ATP6V0C: variants seen among roughly 807,000 people sequenced by gnomAD.
The protein encoded by ATP6V0C is V-type proton ATPase 16 kDa proteolipid subunit c.
In ATP6V0C, 2 loss-of-function variants were observed where a neutral mutation model predicts 10.6. That is an observed-to-expected ratio of 0.19 (90% CI 0.08 to 0.59). ATP6V0C has a LOEUF of 0.59. Ranked by LOEUF, ATP6V0C falls within the 20% of genes least tolerant of loss-of-function variation. The pLI is 0.90. For missense variants in ATP6V0C, 89 were observed against 225.9 expected, an observed-to-expected ratio of 0.39 and a Z score of 3.88; for synonymous variants, 128 against 101.3, an observed-to-expected ratio of 1.26 and a Z score of -1.59.
chr16:2,515,859 C>T (rs1263421227), intron 1 of ATP6V0C, among the ~76,000 whole-genome samples: 1 of 152,158 alleles, frequency 6.6e-6, no homozygotes, highest in African/African-American at 2.4e-5. Flanking sequence ...GCTGCTTGCC[C>T]TTGAAGCCCT....
At chr16:2,514,954 C>T (rs1350791531) in intron 1 of ATP6V0C, among the ~76,000 whole-genome samples, 3 of 152,246 alleles carry the variant, frequency 2.0e-5, no homozygotes, top group Admixed American at 1.3e-4. Flanking sequence ...GAGAGGGTGG[C>T]ATGGGTGTCC....
In ATP6V0C at chr16:2,520,027, T is replaced by C. The variant is rs1287058094; in HGVS notation, c.*282T>C. The C allele has an allele frequency of 1.5e-6, 1 of 671,672 alleles. No homozygotes were observed. 41.6% of individuals were successfully genotyped at this position (671,672 alleles called of 1,614,324 possible). A position where few individuals can be genotyped will look rare whatever the true frequency, so the allele number is the denominator to read the frequency against. On this transcript the variant is annotated 3_prime_UTR_variant, in exon 3 of 3. Transcript: ENST00000330398. ...ATTTAGAATTGTCATTTCTCTTTAC[T>C]GGATGTTTATTTATAAAGATCTGGC...
In ATP6V0C at chr16:2,513,985, T is replaced by C; in HGVS notation, c.-119T>C. On this transcript the variant is annotated 5_prime_UTR_variant, in exon 1 of 3. Coordinates refer to ENST00000330398, the MANE Select transcript of ATP6V0C (RefSeq NM_001694.4). ...GTGCTGGTATTTAGAGCGCAGCGGCTGACGGGCCGGATCGCCTTCGCCGCC... is the reference window on the plus strand; with the variant it reads ...GTGCTGGTATTTAGAGCGCAGCGGCCGACGGGCCGGATCGCCTTCGCCGCC... 3 of 878,386 alleles carry C rather than the reference T, an allele frequency of 3.4e-6. No homozygotes were observed. Among genetic ancestry groups the C allele is most frequent in the East Asian group, 6.1e-5 (2 of 32,682 alleles). The allele number at this position is 878,386 out of a possible 1,614,324, so 54.4% of individuals were successfully genotyped here.
Position 2,519,098 on chromosome 16 carries a change from T to TC in ATP6V0C, c.80-115dup. 2.5e-6 allele frequency: 3 copies of TC among 1,207,414 alleles called. 1 individual carries two copies. The South Asian group carries it at 5.0e-5, about 20-fold the overall frequency. The allele number at this position is 1,207,414 out of a possible 1,614,324, so 74.8% of individuals were successfully genotyped here. On this transcript the variant is annotated intron_variant, in intron 1 of 2. Transcript: ENST00000330398. ...CCCTGGGCTGGATGCCTTCTTCGGC[T>TC]CCCCCTCTGCATGTGATAACTTGGG... is the stretch of plus-strand genomic sequence containing the variant.
rs1352350255 is a variant in ATP6V0C, at chr16:2,514,032, C to T, written c.-72C>T. The T allele has an allele frequency of 5.7e-6, 8 of 1,414,914 alleles. No homozygotes were observed. Among genetic ancestry groups the T allele is most frequent in the Admixed American group, 2.1e-5 (1 of 47,228 alleles). The allele number at this position is 1,414,914 out of a possible 1,614,324, so 87.6% of individuals were successfully genotyped here. On this transcript the variant is annotated 5_prime_UTR_variant, in exon 1 of 3. Coordinates refer to ENST00000330398, the MANE Select transcript of ATP6V0C (RefSeq NM_001694.4). ...CGCCGCCCGCCCGCAAACCTTCGTG[C>T]CCGGCCCGTCCTCGCCCCCGCCTCC...
chr16:2,516,191 C>T (rs1396679597), intron 1 of ATP6V0C, among the ~76,000 whole-genome samples: 1 of 149,486 alleles, frequency 6.7e-6, no homozygotes, highest in Non-Finnish European at 1.5e-5. Flanking sequence ...TGGCTCACTA[C>T]AGCCTCAACC....
upstream of ATP6V0C, chr16:2,513,907 A>AG (rs957245553): frequency 9.8e-6 from 5 of 509,986 alleles, no homozygotes; most frequent in East Asian, 3.7e-5. Context: ...TACGGCTCGC[A>AG]GGGGCGGGGC....
At chr16:2,518,221 A>T (rs928941860) in intron 1 of ATP6V0C, among the ~76,000 whole-genome samples, 1 of 152,226 alleles carries the variant, frequency 6.6e-6, no homozygotes, top group Non-Finnish European at 1.5e-5. Flanking sequence ...CAGAAAGGCA[A>T]ATGAGCCCCC....
At chr16:2,515,122 G>A (rs748475719) in intron 1 of ATP6V0C, among the ~76,000 whole-genome samples, 1 of 152,164 alleles carries the variant, frequency 6.6e-6, no homozygotes, top group Non-Finnish European at 1.5e-5. Flanking sequence ...AGGGTTCTTG[G>A]TGGCACCCTG....
At position 2,514,067 on chromosome 16, in the gene ATP6V0C, T is replaced by TCGGCCCGCAGAGCTTGCCCCCTCC. The variant is rs1412151527; in HGVS notation, c.-35_-12dup. The TCGGCCCGCAGAGCTTGCCCCCTCC allele has an allele frequency of 1.3e-6, 2 of 1,515,816 alleles. No individual in the cohort carries two copies. The highest frequency in any genetic ancestry group is 1.8e-6 in the Non-Finnish European group (2 of 1,123,358). 93.9% of individuals were successfully genotyped at this position (1,515,816 alleles called of 1,614,324 possible). ...CCTCGCCCCCGCCTCCGCCACCGCC[T>TCGGCCCGCAGAGCTTGCCCCCTCC]CGGCCCGCAGAGCTTGCCCCCTCCC... On this transcript the variant is annotated 5_prime_UTR_variant, in exon 1 of 3. Transcript: ENST00000330398.
Position 2,519,049 on chromosome 16 carries a change from G to A in ATP6V0C, c.80-169G>A, listed in dbSNP as rs1012321357. 8 of 708,746 alleles carry A rather than the reference G, an allele frequency of 1.1e-5. No individual in the cohort carries two copies. The African/African-American group carries it at 1.5e-4, about 13-fold the overall frequency. The allele number at this position is 708,746 out of a possible 1,614,324, so 43.9% of individuals were successfully genotyped here. ...TCCTGGCCTCCTTTTGCTTGCCCGT[G>A]GCTGTTCCTCCTGGGTCCTCTTGCC... On this transcript the variant is annotated intron_variant, in intron 1 of 2. Transcript: ENST00000330398.
At chr16:2,518,570 A>G (rs959596872) in intron 1 of ATP6V0C, among the ~76,000 whole-genome samples, 8 of 152,148 alleles carry the variant, frequency 5.3e-5, no homozygotes, top group African/African-American at 1.4e-4. Context: ...AGATTCTCCA[A>G]TCTGTCAAGG....
Position 2,520,061 on chromosome 16 carries a change from G to A in ATP6V0C, c.*316G>A, listed in dbSNP as rs2065903534. ...ATTTATAAAGATCTGGCCTGTTCCT[G>A]CGTCTGCGGAGCGGCCCTTGTCTCC... is the stretch of plus-strand genomic sequence containing the variant. On this transcript the variant is annotated 3_prime_UTR_variant, in exon 3 of 3. Transcript: ENST00000330398. The A allele has an allele frequency of 1.6e-6, 1 of 633,702 alleles. No homozygotes were observed. Among genetic ancestry groups the A allele is most frequent in the South Asian group, 1.5e-5 (1 of 66,086 alleles). The allele number at this position is 633,702 out of a possible 1,614,324, so 39.3% of individuals were successfully genotyped here. A position where few individuals can be genotyped will look rare whatever the true frequency, so the allele number is the denominator to read the frequency against.
chr16:2,517,984 T>G (rs1007935276), intron 1 of ATP6V0C: 3 of 152,254 alleles, frequency 2.0e-5, no homozygotes, highest in African/African-American at 4.8e-5. Flanking sequence ...CAGGCTAATC[T>G]CGAACTTCTG....
intron 1 of ATP6V0C, among the ~76,000 whole-genome samples, chr16:2,518,438 T>C (rs56843168): frequency 0.048 from 7,244 of 152,238 alleles, 547 homozygotes; most frequent in African/African-American, 0.16. Flanking sequence ...AGCCACCCCG[T>C]GTGCAGGGGA....
intron 1 of ATP6V0C, 37 bp from the exon 2 acceptor site, chr16:2,519,181 C>T (rs769289165): frequency 5.1e-6 from 8 of 1,573,032 alleles, no homozygotes; most frequent in Admixed American, 3.5e-5. Flanking sequence ...AACTGGCCTG[C>T]GTACTGCTGT....
chr16:2,520,022 T>C lies in ATP6V0C; in HGVS notation c.*277T>C, dbSNP rs1236674208. 1.5e-5 allele frequency: 10 copies of C among 677,228 alleles called. No homozygotes were observed. Among genetic ancestry groups the C allele is most frequent in the Non-Finnish European group, 2.7e-5 (10 of 370,576 alleles). The allele number at this position is 677,228 out of a possible 1,614,324, so 42.0% of individuals were successfully genotyped here. A position where few individuals can be genotyped will look rare whatever the true frequency, so the allele number is the denominator to read the frequency against. On this transcript the variant is annotated 3_prime_UTR_variant, in exon 3 of 3. Transcript: ENST00000330398. ...GGATGATTTAGAATTGTCATTTCTC[T>C]TTACTGGATGTTTATTTATAAAGAT...
chr16:2,516,097 CTTTTTTT>C (rs11367350), intron 1 of ATP6V0C, among the ~76,000 whole-genome samples: 5 of 125,030 alleles, frequency 4.0e-5, no homozygotes, highest in Non-Finnish European at 8.2e-5. Flanking sequence ...CAGACAACTG[CTTTTTTT>C]TTTTTTTTTT....
chr16:2,516,267 C>G (rs554408898), intron 1 of ATP6V0C, among the ~76,000 whole-genome samples: 1 of 151,066 alleles, frequency 6.6e-6, no homozygotes, highest in Non-Finnish European at 1.5e-5. Flanking sequence ...CACAGGCTAC[C>G]ATGCCCAGCT....
Sources: gnomAD v4.1 joint callset for allele counts (sites outside exome capture counted in the v4.1 genomes callset) on GRCh38, gnomAD v4.1.1 for gene constraint, MANE v1.5 for transcripts, NCBI Gene and HGNC (gene_info 2026-07-23, HGNC 2026-07-21) for gene names.